FBLN2: variants seen among roughly 807,000 people sequenced by gnomAD.
FBLN2 encodes fibulin 2.
A neutral mutation model predicts 123.7 loss-of-function variants in FBLN2; 81 were observed. The observed-to-expected ratio is 0.65, with a 90% CI of 0.55 to 0.79. The LOEUF (loss-of-function observed/expected upper bound fraction) is 0.79. FBLN2 is among the 30% of genes least tolerant of loss of function. The pLI, the probability that FBLN2 is intolerant of heterozygous loss-of-function variation, is 0.00. For synonymous variants in FBLN2, 699 were observed against 701.4 expected (o/e 1.00, Z 0.05); for missense variants, 1,603 against 1,681.3 (o/e 0.95, Z 0.81).
chr3:13,574,666 C>T (rs574421843), intron 2 of FBLN2, among the ~76,000 whole-genome samples: 1 of 152,254 alleles, frequency 6.6e-6, no homozygotes, highest in Admixed American at 6.5e-5. Flanking sequence ...CTGGAGGGGT[C>T]ACTTCTGGCC....
rs201468247 is a variant in FBLN2 at position 13,617,887 on chromosome 3, CATCT to C, written c.1730-185_1730-182del. Among the ~76,000 whole-genome samples, 1,182 of 149,404 alleles carry C rather than the reference CATCT, an allele frequency of 7.9e-3. 7 individuals are homozygous for C. The highest frequency in any genetic ancestry group is 0.024 in the Middle Eastern group (7 of 292). On this transcript the variant is annotated intron_variant, in intron 5 of 17. Coordinates refer to ENST00000404922, the MANE Select transcript of FBLN2 (RefSeq NM_001004019.2). ...CTATCTATTTACCTGCCCACCCACC[CATCT>C]ATCCATCCATCTATCCACCCATCCA...
intron 2 of FBLN2, among the ~76,000 whole-genome samples, chr3:13,580,138 T>C (rs1297642258): frequency 6.6e-6 from 1 of 152,178 alleles, no homozygotes; most frequent in African/African-American, 2.4e-5. Flanking sequence ...CTGGGGGCAT[T>C]GGGGTTGTTT....
Position 13,637,769 on chromosome 3 carries a change from C to T in FBLN2, c.3546C>T (p.Leu1182=). The part of the protein sequence containing the change: ...NEEGYFGTRR[L]NAYTGVVYLQ... Reference sequence around the variant, plus strand: ...AGGGCTACTTTGGCACGCGCAGGCTCAATGCCTACACGGGTGTGGTCTACC... The same window carrying T: ...AGGGCTACTTTGGCACGCGCAGGCTTAATGCCTACACGGGTGTGGTCTACC... The change falls in exon 18 of 18, where the codon CTC becomes CTT. Residue 1182 remains leucine, a synonymous_variant. Transcript: ENST00000404922. 3 of 1,613,938 alleles carry T rather than the reference C, an allele frequency of 1.9e-6. No individual in the cohort carries two copies. The highest frequency in any genetic ancestry group is 2.5e-6 in the Non-Finnish European group (3 of 1,179,826).
rs1055157175 is a variant in FBLN2 at position 13,629,277 on chromosome 3, G to A, written c.2827G>A (p.Gly943Ser). The change falls in exon 13 of 18, where the codon GGC (glycine) becomes AGC (serine). Residue 943 changes from glycine (G) to serine (S), a missense_variant. Transcript: ENST00000404922. Reference protein sequence around the residue: ...CKAGFQRDAFGRGCIDVNECW... With the variant: ...CKAGFQRDAFSRGCIDVNECW... ...AGCCGGCTTTCAGCGGGATGCCTTT[G>A]GCCGGGGCTGCATCGGTAGGTAGGC... The A allele has an allele frequency of 8.1e-6, 13 of 1,609,600 alleles. No individual in the cohort carries two copies. The highest frequency in any genetic ancestry group is 1.3e-5 in the African/African-American group (1 of 74,862).
chr3:13,560,217 C>T (rs748826752), intron 1 of FBLN2, among the ~76,000 whole-genome samples: 4 of 152,058 alleles, frequency 2.6e-5, no homozygotes, highest in Non-Finnish European at 5.9e-5. Context: ...ATTTAGGGAG[C>T]TTTTTATTCA....
intron 2 of FBLN2, among the ~76,000 whole-genome samples, chr3:13,576,587 G>A (rs1039586767): frequency 1.8e-4 from 28 of 152,346 alleles, no homozygotes; most frequent in African/African-American, 6.7e-4. Flanking sequence ...CTTCCCAGGG[G>A]AGGTGCTATC....
chr3:13,624,119 G>A (rs758017162), intron 9 of FBLN2, among the ~76,000 whole-genome samples: 3 of 152,226 alleles, frequency 2.0e-5, no homozygotes, highest in Admixed American at 6.5e-5. Context: ...CCCCCATGAA[G>A]TGGTGCTGCA....
At chr3:13,553,259 G>A (rs759953846) in intron 1 of FBLN2, among the ~76,000 whole-genome samples, 5 of 152,212 alleles carry the variant, frequency 3.3e-5, no homozygotes, top group South Asian at 2.1e-4. Flanking sequence ...CAGAGGAGGC[G>A]CGGCCAGACT....
At chr3:13,619,375 C>T (rs1705763308) in intron 7 of FBLN2, among the ~76,000 whole-genome samples, 2 of 142,856 alleles carry the variant, frequency 1.4e-5, no homozygotes, top group African/African-American at 6.1e-5. Context: ...TTGTTCTTCT[C>T]CTCATTCCCT....
At chr3:13,636,328 C>A in intron 16 of FBLN2, 117 bp from the exon 17 acceptor site, 2 of 1,270,784 alleles carry the variant, frequency 1.6e-6, no homozygotes, top group South Asian at 1.5e-5. Context: ...GGGAGGCACG[C>A]GGGCTATTCT....
intron 9 of FBLN2, 146 bp from the exon 10 acceptor site, chr3:13,626,299 G>A (rs569374403): frequency 3.0e-5 from 23 of 755,960 alleles, no homozygotes; most frequent in South Asian, 8.1e-5. Context: ...TTTGGGTGCC[G>A]AGACATCAGC....
rs772659478 is a variant in FBLN2 at position 13,637,541 on chromosome 3, C to G, written c.3339-21C>G. 19 of 1,573,184 alleles carry G rather than the reference C, an allele frequency of 1.2e-5. No individual in the cohort carries two copies. The South Asian group carries it at 1.8e-4, about 15-fold the overall frequency. The stretch of plus-strand genomic sequence containing the variant: ...AGGGGGGTGGGCGAGCTGTGGGTGA[C>G]CCGGCCTATCCTCCCTGCAGGAAGT... On this transcript the variant is annotated intron_variant, in intron 17 of 17. Coordinates refer to ENST00000404922, the MANE Select transcript of FBLN2 (RefSeq NM_001004019.2).
Position 13,628,853 on chromosome 3 carries a change from G to A in FBLN2, c.2570-52G>A, listed in dbSNP as rs547033369. 42 of 1,592,758 alleles carry A rather than the reference G, an allele frequency of 2.6e-5. No individual in the cohort carries two copies. In the South Asian group the frequency reaches 4.4e-4, roughly 17 times the overall value. On this transcript the variant is annotated intron_variant, in intron 11 of 17. Coordinates refer to ENST00000404922, the MANE Select transcript of FBLN2 (RefSeq NM_001004019.2). ...CAGTGTGGCCCTGGGAGGGGCTGGG[G>A]CCTGGGAGGACACCATGCCGGGCTC... is the stretch of plus-strand genomic sequence containing the variant.
Position 13,627,928 on chromosome 3 carries a change from G to A in FBLN2, c.2528G>A (p.Cys843Tyr). 1 of 1,613,772 alleles carries A rather than the reference G, an allele frequency of 6.2e-7. No individual in the cohort carries two copies. Among genetic ancestry groups the A allele is most frequent in the Non-Finnish European group, 8.5e-7 (1 of 1,179,778 alleles). Reference protein sequence around the residue: ...GSFYCQARQRCMDGFLQDPEG... With the variant: ...GSFYCQARQRYMDGFLQDPEG... ...TTCTACTGCCAGGCCAGGCAGCGCT[G>A]CATGGATGGCTTCCTGCAGGATCCT... Residue 843 changes from cysteine (C) to tyrosine (Y), a missense_variant, in exon 11 of 18, where the codon TGC (cysteine) becomes TAC (tyrosine). Physicochemically the swap from Cys to Tyr is radical, Grantham distance 194. Transcript: ENST00000404922.
chr3:13,562,030 G>A (rs1703621999), intron 1 of FBLN2, among the ~76,000 whole-genome samples: 1 of 152,246 alleles, frequency 6.6e-6, no homozygotes, highest in Non-Finnish European at 1.5e-5. Context: ...GGAAGTGATA[G>A]TTAGACACGA....
chr3:13,553,028 G>A (rs1354362175), intron 1 of FBLN2, among the ~76,000 whole-genome samples: 1 of 152,186 alleles, frequency 6.6e-6, no homozygotes, highest in East Asian at 1.9e-4. Context: ...AGCTGAGCCT[G>A]GGTGGTCAGG....
chr3:13,559,332 A>G (rs1218821750), intron 1 of FBLN2, among the ~76,000 whole-genome samples: 2 of 131,676 alleles, frequency 1.5e-5, no homozygotes, highest in East Asian at 4.9e-4. Context: ...GGCAGCTATC[A>G]CTATGACCCT....
At chr3:13,574,342 C>A (rs1288634444) in intron 2 of FBLN2, among the ~76,000 whole-genome samples, 1 of 152,208 alleles carries the variant, frequency 6.6e-6, no homozygotes. Context: ...GAACCTCCGA[C>A]CTCCTGAGGG....
chr3:13,600,308 T>C (rs1704988691), intron 2 of FBLN2, among the ~76,000 whole-genome samples: 1 of 152,094 alleles, frequency 6.6e-6, no homozygotes, highest in African/African-American at 2.4e-5. Flanking sequence ...TTTCCCCTCC[T>C]GCTGCAACTG....
Sources: allele counts gnomAD v4.1 joint callset (sites outside exome capture counted in the v4.1 genomes callset), GRCh38; gene constraint gnomAD v4.1.1; transcripts MANE v1.5; gene names NCBI Gene and HGNC (gene_info 2026-07-23, HGNC 2026-07-21).